Variants in FGF13 observed in about 807,000 individuals in gnomAD.
The protein encoded by FGF13 is fibroblast growth factor 13, also known as fibroblast growth factor homologous factor 2.
A neutral mutation model predicts 19.5 loss-of-function variants in FGF13; 2 were observed. That is an observed-to-expected ratio of 0.10 (90% CI 0.04 to 0.32). FGF13 has a LOEUF of 0.32. FGF13 is among the 10% of genes least tolerant of loss of function. FGF13 has a pLI of 1.00. For missense variants in FGF13, 113 were observed against 192.7 expected (o/e 0.59, Z 2.45); for synonymous variants, 72 against 76.9 (o/e 0.94, Z 0.33).
At chrX:138,952,710 T>G (rs1179943224) in intron 1 of FGF13, among the ~76,000 whole-genome samples, 3 of 111,354 alleles carry the variant, frequency 2.7e-5, no homozygotes, top group Non-Finnish European at 5.7e-5. Context: ...GAATCTACAT[T>G]GAACATAAAC....
intron 3 of FGF13, among the ~76,000 whole-genome samples, chrX:138,678,969 C>T (rs777958748): frequency 1.8e-4 from 20 of 112,140 alleles, no homozygotes; most frequent in Non-Finnish European, 1.9e-4. Context: ...AGCCTTAGTC[C>T]GATGCTCATT....
chrX:138,856,702 A>C (rs2091259788), downstream of FGF13, among the ~76,000 whole-genome samples: 1 of 112,081 alleles, frequency 8.9e-6, no homozygotes. Context: ...TAATTCTCAG[A>C]AGTTATTTTG....
At chrX:139,065,121 A>C (rs1372592836) in intron 1 of FGF13, among the ~76,000 whole-genome samples, 2 of 110,740 alleles carry the variant, frequency 1.8e-5, no homozygotes, top group African/African-American at 6.6e-5. Flanking sequence ...TGTTATCACC[A>C]ACAGGCCTGC....
chrX:138,745,420 G>A (rs189900439), intron 3 of FGF13, among the ~76,000 whole-genome samples: 1 of 111,878 alleles, frequency 8.9e-6, no homozygotes, highest in East Asian at 2.8e-4. Context: ...GAATGGCCTC[G>A]TATGTGTTCA....
rs779376041 is a variant in FGF13 at position 139,158,415 on chromosome X, C to T, written c.-113+45001G>A. On this transcript the variant is annotated intron_variant, in intron 1 of 2. Transcript: ENST00000421460. ...CTGAAGTAGACCTGGGACACTCCAGCTTGGTGGGGGGAGGGGCATCATACA... is the reference window on the plus strand; with the variant it reads ...CTGAAGTAGACCTGGGACACTCCAGTTTGGTGGGGGGAGGGGCATCATACA... 5.0e-3 allele frequency among the ~76,000 whole-genome samples: 546 copies of T among 110,134 alleles called. 2 individuals carry two copies. The highest frequency in any genetic ancestry group is 0.019 in the Middle Eastern group (4 of 214).
intron 1 of FGF13, among the ~76,000 whole-genome samples, chrX:138,738,469 G>A (rs1280858606): frequency 1.8e-5 from 2 of 111,388 alleles, no homozygotes; most frequent in South Asian, 7.7e-4. Flanking sequence ...AATGTAGCTG[G>A]AGGAGTGATT....
chrX:138,913,443 C>T (rs2091599853), intron 1 of FGF13, among the ~76,000 whole-genome samples: 1 of 109,812 alleles, frequency 9.1e-6, no homozygotes, highest in Non-Finnish European at 1.9e-5. Flanking sequence ...GGATTACAGG[C>T]GTGAGCCACC....
intron 1 of FGF13, among the ~76,000 whole-genome samples, chrX:139,030,176 T>A (rs1272585641): frequency 9.0e-6 from 1 of 110,906 alleles, no homozygotes; most frequent in Non-Finnish European, 1.9e-5. Context: ...GAATAAGAAA[T>A]AAAGTGAAAA....
At chrX:138,778,498 C>T (rs1195908348) in intron 3 of FGF13, among the ~76,000 whole-genome samples, 1 of 112,165 alleles carries the variant, frequency 8.9e-6, no homozygotes, top group African/African-American at 3.2e-5. Context: ...GTATTGCCTC[C>T]CTCAGGAAGC....
At chrX:139,201,604 A>T (rs1189635337) in intron 1 of FGF13, among the ~76,000 whole-genome samples, 1 of 112,378 alleles carries the variant, frequency 8.9e-6, no homozygotes, top group Admixed American at 9.4e-5. Flanking sequence ...TTAGTTTTTC[A>T]GCTTAAAAAA....
At position 139,014,384 on chromosome X, in the gene FGF13, C is replaced by T. The variant is rs150385221; in HGVS notation, c.-112-149734G>A. Among the ~76,000 whole-genome samples the T allele has an allele frequency of 9.6e-3, 1,057 of 110,577 alleles. 11 individuals carry two copies. Among genetic ancestry groups the T allele is most frequent in the African/African-American group, 0.032 (978 of 30,555 alleles). On this transcript the variant is annotated intron_variant, in intron 1 of 2. Coordinates refer to the FGF13 transcript ENST00000421460. ...TAGCCAGATTAACCAAGGAAAAAAG[C>T]GAAAATAGCTGAATGAAAATCAGAG... is the stretch of plus-strand genomic sequence containing the variant.
upstream of FGF13, among the ~76,000 whole-genome samples, chrX:138,740,855 G>T (rs1278812377): frequency 8.9e-6 from 1 of 112,167 alleles, no homozygotes; most frequent in Non-Finnish European, 1.9e-5. Context: ...TTTTCGTTTT[G>T]CACTAACCCC....
At chrX:138,904,069 A>T (rs1279594686) in intron 1 of FGF13, among the ~76,000 whole-genome samples, 1 of 112,108 alleles carries the variant, frequency 8.9e-6, no homozygotes, top group African/African-American at 3.2e-5. Context: ...GGCAGATATG[A>T]TTGTTCTGCC....
intron 1 of FGF13, among the ~76,000 whole-genome samples, chrX:139,100,051 C>CACACACACAT (rs1556361871): frequency 2.0e-5 from 2 of 102,382 alleles, no homozygotes; most frequent in African/African-American, 3.8e-5. Context: ...AACACACACA[C>CACACACACAT]ACACACACAC....
intron 1 of FGF13, among the ~76,000 whole-genome samples, chrX:138,891,143 T>A (rs888650983): frequency 2.7e-5 from 3 of 110,987 alleles, no homozygotes; most frequent in Non-Finnish European, 5.7e-5. Context: ...TACAAAAAAA[T>A]TTGTGGTGTC....
intron 1 of FGF13, among the ~76,000 whole-genome samples, chrX:138,965,317 C>T (rs762133024): frequency 2.7e-5 from 3 of 112,408 alleles, no homozygotes; most frequent in African/African-American, 9.7e-5. Flanking sequence ...CACCTACAAC[C>T]TTGCCTCCTT....
intron 1 of FGF13, among the ~76,000 whole-genome samples, chrX:138,726,658 G>A (rs780788302): frequency 8.9e-6 from 1 of 112,019 alleles, no homozygotes; most frequent in South Asian, 3.7e-4. Context: ...CTGATACTCA[G>A]TTGAGACCTC....
chrX:138,930,645 C>T (rs182609189), intron 1 of FGF13, among the ~76,000 whole-genome samples: 42 of 112,119 alleles, frequency 3.7e-4, no homozygotes, highest in African/African-American at 1.2e-3. Flanking sequence ...AAACTCTACC[C>T]GTTTTCACTT....
intron 1 of FGF13, among the ~76,000 whole-genome samples, chrX:139,004,379 C>G (rs1010088892): frequency 3.5e-5 from 4 of 112,774 alleles, no homozygotes; most frequent in Non-Finnish European, 7.5e-5. Flanking sequence ...AAGCGCCGCA[C>G]GCAGCCCTGG....
Sources: gnomAD v4.1 joint callset for allele counts (sites outside exome capture counted in the v4.1 genomes callset) on GRCh38, gnomAD v4.1.1 for gene constraint, MANE v1.5 for transcripts, NCBI Gene and HGNC (gene_info 2026-07-23, HGNC 2026-07-21) for gene names.